SPAST: variants seen among roughly 807,000 people sequenced by gnomAD.
SPAST encodes spastin, also known as spastic paraplegia 4 (autosomal dominant; spastin).
Under a neutral mutation model 76.6 loss-of-function variants are expected in SPAST, and 30 were observed. The observed-to-expected ratio is 0.39, with a 90% CI of 0.29 to 0.53. The LOEUF (loss-of-function observed/expected upper bound fraction) is 0.53. Among genes scored for constraint, SPAST ranks in the 20% least tolerant of loss-of-function variants. SPAST has a pLI of 0.68. For missense variants in SPAST, 717 were observed against 770.5 expected (o/e 0.93, Z 0.82); for synonymous variants, 305 against 281.0 (o/e 1.09, Z -0.86).
intron 4 of SPAST, among the ~76,000 whole-genome samples, chr2:32,107,135 G>T (rs953042615): frequency 1.3e-5 from 2 of 151,852 alleles, no homozygotes; most frequent in Non-Finnish European, 2.9e-5. Flanking sequence ...TTCTCTTCCT[G>T]CAACCTGTTT....
At chr2:32,150,951 C>CTTTTTTTTTTTT (rs113065520) in intron 16 of SPAST, among the ~76,000 whole-genome samples, 5 of 143,342 alleles carry the variant, frequency 3.5e-5, no homozygotes, top group Non-Finnish European at 4.5e-5. Flanking sequence ...CTACTGTATA[C>CTTTTTTTTTTTT]TTTTTTTTTT....
intron 4 of SPAST, among the ~76,000 whole-genome samples, chr2:32,103,580 T>C (rs559951006): frequency 2.6e-5 from 4 of 152,318 alleles, no homozygotes; most frequent in Non-Finnish European, 4.4e-5. Context: ...TTTAGATCTT[T>C]CCTGTTTTCT....
chr2:32,141,522 C>G (rs1003921968), intron 12 of SPAST, among the ~76,000 whole-genome samples: 7 of 152,144 alleles, frequency 4.6e-5, no homozygotes, highest in African/African-American at 1.7e-4. Flanking sequence ...AGGCAGTTCA[C>G]CTTTATGTAT....
chr2:32,109,838 A>G (rs879528253), intron 4 of SPAST, among the ~76,000 whole-genome samples: 11 of 149,162 alleles, frequency 7.4e-5, no homozygotes, highest in Admixed American at 3.4e-4. Flanking sequence ...ACATATGTAT[A>G]TGCATATACA....
At chr2:32,098,570 C>T (rs1174062266) in intron 3 of SPAST, among the ~76,000 whole-genome samples, 1 of 152,108 alleles carries the variant, frequency 6.6e-6, no homozygotes, top group Non-Finnish European at 1.5e-5. Flanking sequence ...TGAATAAGGC[C>T]TATTTTTAAC....
At chr2:32,110,034 T>C (rs1161197221) in intron 4 of SPAST, among the ~76,000 whole-genome samples, 3 of 148,764 alleles carry the variant, frequency 2.0e-5, no homozygotes, top group Admixed American at 6.7e-5. Context: ...GCTGTAAATG[T>C]ATATATAAAC....
At chr2:32,086,825 TAAAAC>T (rs1030672327) in intron 1 of SPAST, among the ~76,000 whole-genome samples, 4 of 152,102 alleles carry the variant, frequency 2.6e-5, no homozygotes, top group Admixed American at 6.6e-5. Context: ...ATAATAGAAA[TAAAAC>T]AAAAAATTAA....
rs1208653912 is a variant in SPAST, at chr2:32,136,854, TCTTATA to T, written c.1322-19_1322-14del. The T allele has an allele frequency of 6.3e-7, 1 of 1,580,844 alleles. No homozygotes were observed. The highest frequency in any genetic ancestry group is 1.7e-5 in the Admixed American group (1 of 59,886). ...CACATAGCTTGGTCTTTAATTAAAG[TCTTATA>T]CTTGTATTTCCTCTAGATGAAGTTG... On this transcript the variant is annotated splice_polypyrimidine_tract_variant and intron_variant, in intron 10 of 16. Coordinates refer to ENST00000315285, the MANE Select transcript of SPAST (RefSeq NM_014946.4).
intron 4 of SPAST, among the ~76,000 whole-genome samples, chr2:32,106,651 A>G (rs1678333069): frequency 1.3e-5 from 2 of 152,174 alleles, no homozygotes; most frequent in Non-Finnish European, 2.9e-5. Context: ...AGATAGAGTA[A>G]AAGGATTTCT....
intron 4 of SPAST, among the ~76,000 whole-genome samples, chr2:32,113,933 T>G (rs1678721270): frequency 6.6e-6 from 1 of 151,682 alleles, no homozygotes; most frequent in African/African-American, 2.4e-5. Flanking sequence ...AAAAATACTG[T>G]TTTTTGTTTT....
At chr2:32,094,501 C>T (rs1041960639) in intron 3 of SPAST, among the ~76,000 whole-genome samples, 6 of 152,026 alleles carry the variant, frequency 3.9e-5, no homozygotes, top group African/African-American at 1.4e-4. Context: ...AGAGAAAGTA[C>T]CTGGTATGTT....
chr2:32,084,792 C>T (rs1677403276), intron 1 of SPAST, among the ~76,000 whole-genome samples: 1 of 146,448 alleles, frequency 6.8e-6, no homozygotes, highest in African/African-American at 2.5e-5. Flanking sequence ...GAGGCTGAGG[C>T]ACAAGAATCA....
intron 1 of SPAST, among the ~76,000 whole-genome samples, chr2:32,085,415 C>T (rs374576670): frequency 5.9e-4 from 90 of 152,140 alleles, no homozygotes; most frequent in African/African-American, 2.1e-3. Flanking sequence ...TAAAATCTCA[C>T]CATGTTGCCC....
At position 32,117,001 on chromosome 2, in the gene SPAST, C is replaced by T. The variant is rs1316032732; in HGVS notation, c.1098+789C>T. Among the ~76,000 whole-genome samples the T allele has an allele frequency of 2.6e-5, 4 of 151,944 alleles. No individual in the cohort carries two copies. In the East Asian group the frequency reaches 7.8e-4, roughly 30 times the overall value. On this transcript the variant is annotated intron_variant, in intron 7 of 16. Coordinates refer to ENST00000315285, the MANE Select transcript of SPAST (RefSeq NM_014946.4). ...ACAGGCCGGGTACGGTAGTTCACGC[C>T]TGTAATCCCAGCACTTTGGGAGGCT...
At chr2:32,150,563 G>A (rs1452332967) in intron 16 of SPAST, among the ~76,000 whole-genome samples, 1 of 151,620 alleles carries the variant, frequency 6.6e-6, no homozygotes, top group Non-Finnish European at 1.5e-5. Context: ...TCAGCCTTTT[G>A]AGTTGCTGGG....
rs78271521 is a variant in SPAST, at chr2:32,118,953, G to A, written c.1098+2741G>A. On this transcript the variant is annotated intron_variant, in intron 7 of 16. Coordinates refer to ENST00000315285, the MANE Select transcript of SPAST (RefSeq NM_014946.4). ...AATTTGAATTTAGGCATATTTTCAT[G>A]GTAGTGACATAATGTGCAATTAAGA... is the stretch of plus-strand genomic sequence containing the variant. Among the ~76,000 whole-genome samples, 1,005 of 152,254 alleles carry A rather than the reference G, an allele frequency of 6.6e-3. 15 individuals are homozygous for A. The highest frequency in any genetic ancestry group is 0.023 in the African/African-American group (969 of 41,546).
intron 12 of SPAST, among the ~76,000 whole-genome samples, chr2:32,138,731 T>C (rs941459625): frequency 1.2e-4 from 19 of 152,208 alleles, no homozygotes; most frequent in African/African-American, 3.6e-4. Flanking sequence ...CAAAATTTCT[T>C]TCTGAGGCTG....
chr2:32,156,356 A>G lies in SPAST; in HGVS notation c.*1860A>G, dbSNP rs1283855481. 1 of 152,220 alleles carries G rather than the reference A, an allele frequency of 6.6e-6. No homozygotes were observed. The highest frequency in any genetic ancestry group is 1.5e-5 in the Non-Finnish European group (1 of 68,056). The allele number at this position is 152,220 out of a possible 1,614,324, so 9.4% of individuals were successfully genotyped here. On this transcript the variant is annotated 3_prime_UTR_variant, in exon 17 of 17. Transcript: ENST00000315285. ...CCAGCCAGAAGATGCATGATTTCTT[A>G]GGATCATATGCTGTTTGTAGCCATA...
rs761956992 is a variant in SPAST at position 32,064,096 on chromosome 2, G to A, written c.265G>A (p.Ala89Thr). The change falls in exon 1 of 17, where the codon GCC (alanine) becomes ACC (threonine). Residue 89 changes from alanine to threonine, a missense_variant. Physicochemically the swap from Ala to Thr is moderately conservative, Grantham distance 58 (BLOSUM62 0). Transcript: ENST00000315285. The part of the protein sequence containing the change: ...CQRFSRALMA[A>T]KRSSGAAPAP... The stretch of plus-strand genomic sequence containing the variant: ...GCGCTTCTCCCGCGCCCTCATGGCA[G>A]CCAAGAGGAGCTCCGGGGCCGCGCC... 1.2e-6 allele frequency: 2 copies of A among 1,609,376 alleles called. No homozygotes were observed. The highest frequency in any genetic ancestry group is 4.5e-5 in the East Asian group (2 of 44,736).
Sources: gnomAD v4.1 joint callset for allele counts (sites outside exome capture counted in the v4.1 genomes callset) on GRCh38, gnomAD v4.1.1 for gene constraint, MANE v1.5 for transcripts, NCBI Gene and HGNC (gene_info 2026-07-23, HGNC 2026-07-21) for gene names.